Variants in PPP1R14C observed in about 807,000 individuals in gnomAD.
PPP1R14C encodes the protein protein phosphatase 1 regulatory inhibitor subunit 14C.
A neutral mutation model predicts 20.4 loss-of-function variants in PPP1R14C; 16 were observed. The observed-to-expected ratio is 0.78, with a 90% CI of 0.53 to 1.19. The LOEUF (loss-of-function observed/expected upper bound fraction) is 1.19, where lower values mean the gene tolerates loss of function less well. Ranked by LOEUF, PPP1R14C falls within the 50% of genes most tolerant of loss-of-function variation. The pLI is 0.00. For missense variants in PPP1R14C, 211 were observed against 220.1 expected (o/e 0.96, Z 0.26); for synonymous variants, 91 against 91.0 (o/e 1.00, Z 0.00).
chr6:150,204,958 G>A (rs1777926014), intron 1 of PPP1R14C, among the ~76,000 whole-genome samples: 1 of 151,262 alleles, frequency 6.6e-6, no homozygotes, highest in Admixed American at 6.6e-5. Context: ...TGAGATCAAG[G>A]CTGGGCATAG....
chr6:150,224,678 T>C (rs941815312), intron 3 of PPP1R14C, among the ~76,000 whole-genome samples: 10 of 152,252 alleles, frequency 6.6e-5, no homozygotes, highest in Admixed American at 5.2e-4. Context: ...CTACTTTATC[T>C]ATCGGAGCCC....
intron 1 of PPP1R14C, among the ~76,000 whole-genome samples, chr6:150,191,096 G>T (rs1777736486): frequency 6.6e-6 from 1 of 151,948 alleles, no homozygotes; most frequent in South Asian, 2.1e-4. Context: ...TTCTCCTCTG[G>T]GCTCTGCAGC....
At chr6:150,161,276 T>A (rs201699772) in intron 1 of PPP1R14C, among the ~76,000 whole-genome samples, 1 of 148,726 alleles carries the variant, frequency 6.7e-6, no homozygotes. Flanking sequence ...CAAGACTGTT[T>A]AAAAAAAAAA....
intron 1 of PPP1R14C, among the ~76,000 whole-genome samples, chr6:150,166,437 T>TCCCCC (rs896640559): frequency 1.3e-5 from 2 of 152,160 alleles, no homozygotes; most frequent in African/African-American, 4.8e-5. Flanking sequence ...TAGAGGCTTC[T>TCCCCC]CCCATGGTAC....
intron 1 of PPP1R14C, among the ~76,000 whole-genome samples, chr6:150,154,480 G>GA (rs1279610323): frequency 3.3e-5 from 5 of 151,902 alleles, no homozygotes; most frequent in African/African-American, 4.8e-5. Context: ...TTCTTGATTT[G>GA]AAAAAAAATG....
At chr6:150,193,650 A>G (rs1777771512) in intron 1 of PPP1R14C, among the ~76,000 whole-genome samples, 1 of 152,022 alleles carries the variant, frequency 6.6e-6, no homozygotes, top group Non-Finnish European at 1.5e-5. Flanking sequence ...AGCTGTATAC[A>G]TCTGGAGGAG....
chr6:150,220,106 T>C (rs1248871255), intron 3 of PPP1R14C, among the ~76,000 whole-genome samples: 1 of 152,192 alleles, frequency 6.6e-6, no homozygotes, highest in African/African-American at 2.4e-5. Flanking sequence ...CCACCCACCT[T>C]GGCCTTCCAA....
chr6:150,177,116 TG>T (rs1777571210), intron 1 of PPP1R14C, among the ~76,000 whole-genome samples: 1 of 151,752 alleles, frequency 6.6e-6, no homozygotes. Flanking sequence ...TGGTGGATGT[TG>T]TAGACAGTGA....
intron 1 of PPP1R14C, among the ~76,000 whole-genome samples, chr6:150,175,437 T>C (rs1246696756): frequency 6.6e-6 from 1 of 152,344 alleles, no homozygotes; most frequent in East Asian, 1.9e-4. Context: ...AGAGCTCTGA[T>C]ATGTTGAATA....
chr6:150,162,030 A>AC (rs1278767970), intron 1 of PPP1R14C, among the ~76,000 whole-genome samples: 2 of 144,794 alleles, frequency 1.4e-5, no homozygotes, highest in Non-Finnish European at 3.0e-5. Flanking sequence ...TTATCCATTT[A>AC]CCCCCCTCCG....
At chr6:150,191,558 C>G (rs1413856087) in intron 1 of PPP1R14C, among the ~76,000 whole-genome samples, 2 of 152,220 alleles carry the variant, frequency 1.3e-5, no homozygotes, top group African/African-American at 4.8e-5. Flanking sequence ...AACACCTGCT[C>G]TTAGAATCTT....
chr6:150,222,076 G>T (rs1478492098), intron 3 of PPP1R14C, among the ~76,000 whole-genome samples: 2 of 150,580 alleles, frequency 1.3e-5, no homozygotes, highest in African/African-American at 5.0e-5. Context: ...TGGGATTACA[G>T]GTATGAGCCG....
chr6:150,242,605 CTT>C (rs938384323), intron 3 of PPP1R14C, among the ~76,000 whole-genome samples: 5 of 152,196 alleles, frequency 3.3e-5, no homozygotes, highest in Admixed American at 6.5e-5. Flanking sequence ...AGGTAACATA[CTT>C]GCTGGTGAAG....
At chr6:150,166,718 A>G (rs1777426340) in intron 1 of PPP1R14C, among the ~76,000 whole-genome samples, 1 of 152,204 alleles carries the variant, frequency 6.6e-6, no homozygotes, top group South Asian at 2.1e-4. Context: ...CCTCAGGAGG[A>G]GGAAGCAGAT....
At chr6:150,159,173 T>C (rs551458422) in intron 1 of PPP1R14C, among the ~76,000 whole-genome samples, 1 of 152,348 alleles carries the variant, frequency 6.6e-6, no homozygotes, top group African/African-American at 2.4e-5. Flanking sequence ...TCATCAGCCA[T>C]TCCTTTGTTT....
chr6:150,192,502 T>G (rs1777757082), intron 1 of PPP1R14C, among the ~76,000 whole-genome samples: 1 of 152,146 alleles, frequency 6.6e-6, no homozygotes, highest in African/African-American at 2.4e-5. Flanking sequence ...CGGTAATGCT[T>G]TCTTGCCCAT....
intron 1 of PPP1R14C, among the ~76,000 whole-genome samples, chr6:150,153,430 T>G (rs1384183070): frequency 6.6e-6 from 1 of 152,232 alleles, no homozygotes; most frequent in Admixed American, 6.5e-5. Flanking sequence ...AAGAAAGGGA[T>G]CACGAGTTAC....
At chr6:150,179,079 C>A (rs972437482) in intron 1 of PPP1R14C, among the ~76,000 whole-genome samples, 4 of 152,050 alleles carry the variant, frequency 2.6e-5, no homozygotes, top group Admixed American at 1.3e-4. Context: ...CTGGAACCAA[C>A]CTGGGAAGGC....
chr6:150,238,672 G>T (rs1778395442), intron 3 of PPP1R14C, among the ~76,000 whole-genome samples: 1 of 152,246 alleles, frequency 6.6e-6, no homozygotes, highest in South Asian at 2.1e-4. Context: ...CTCCTGGAAG[G>T]CAGGGCCTCT....
Sources: allele counts gnomAD v4.1 joint callset (sites outside exome capture counted in the v4.1 genomes callset), GRCh38; gene constraint gnomAD v4.1.1; transcripts MANE v1.5; gene names NCBI Gene and HGNC (gene_info 2026-07-23, HGNC 2026-07-21).